Variants in KCNQ5 observed in about 807,000 individuals in gnomAD.
KCNQ5 encodes potassium voltage-gated channel subfamily KQT member 5.
A neutral mutation model predicts 98.2 loss-of-function variants in KCNQ5; 30 were observed. The ratio of observed to expected loss-of-function variants is 0.31; its 90% confidence interval spans 0.23 to 0.41. KCNQ5 has a LOEUF of 0.41. Among genes scored for constraint, KCNQ5 ranks in the 10% least tolerant of loss-of-function variants. KCNQ5 has a pLI of 1.00. For missense variants in KCNQ5, 835 were observed against 1,182.5 expected, an observed-to-expected ratio of 0.71 and a Z score of 4.31; for synonymous variants, 458 against 449.4, an observed-to-expected ratio of 1.02 and a Z score of -0.24.
intron 1 of KCNQ5, among the ~76,000 whole-genome samples, chr6:72,650,118 T>C (rs531602945): frequency 1.3e-5 from 2 of 152,272 alleles, no homozygotes; most frequent in African/African-American, 4.8e-5. Context: ...AATGCACTTA[T>C]GTGAGATATA....
At chr6:73,170,269 T>C (rs1047765065) in intron 11 of KCNQ5, among the ~76,000 whole-genome samples, 4 of 152,154 alleles carry the variant, frequency 2.6e-5, no homozygotes, top group Admixed American at 6.5e-5. Context: ...GTTCTGAAAA[T>C]GGGAAACCTA....
At chr6:72,968,672 C>A (rs1438293659) in intron 1 of KCNQ5, among the ~76,000 whole-genome samples, 1 of 152,152 alleles carries the variant, frequency 6.6e-6, no homozygotes, top group East Asian at 1.9e-4. Flanking sequence ...CAGAGATATT[C>A]TCCTAAAACT....
chr6:72,898,034 T>A (rs998705636), intron 1 of KCNQ5, among the ~76,000 whole-genome samples: 1 of 152,244 alleles, frequency 6.6e-6, no homozygotes, highest in Admixed American at 6.5e-5. Context: ...GAACTTCAAG[T>A]ACTAAAAGTT....
intron 3 of KCNQ5, among the ~76,000 whole-genome samples, chr6:73,045,865 G>T (rs1771937114): frequency 6.6e-6 from 1 of 152,100 alleles, no homozygotes; most frequent in Non-Finnish European, 1.5e-5. Flanking sequence ...GTCTCAGTGA[G>T]AAAATACCAG....
At chr6:72,684,370 C>T (rs1052422376) in intron 1 of KCNQ5, among the ~76,000 whole-genome samples, 2 of 152,154 alleles carry the variant, frequency 1.3e-5, no homozygotes, top group South Asian at 2.1e-4. Flanking sequence ...GAGCCTACAC[C>T]GACAAAGTAT....
intron 5 of KCNQ5, among the ~76,000 whole-genome samples, chr6:73,093,636 T>A (rs1330205717): frequency 6.6e-6 from 1 of 152,166 alleles, no homozygotes; most frequent in East Asian, 1.9e-4. Context: ...AAGAATTTTT[T>A]AATTTCCATC....
chr6:73,076,502 T>C (rs748361616), intron 3 of KCNQ5, among the ~76,000 whole-genome samples: 19 of 152,238 alleles, frequency 1.2e-4, no homozygotes, highest in Non-Finnish European at 2.2e-4. Context: ...TTCTTTTATC[T>C]TTTCTATGCT....
chr6:73,091,012 C>T (rs937954344), intron 5 of KCNQ5, among the ~76,000 whole-genome samples: 2 of 152,154 alleles, frequency 1.3e-5, no homozygotes, highest in African/African-American at 4.8e-5. Context: ...ACTATAAAGA[C>T]AAATGCACTT....
At chr6:73,069,834 C>A (rs573798468) in intron 3 of KCNQ5, among the ~76,000 whole-genome samples, 1 of 152,192 alleles carries the variant, frequency 6.6e-6, no homozygotes, top group African/African-American at 2.4e-5. Flanking sequence ...TTTTTTAAAT[C>A]ACAGAGGTAG....
chr6:72,936,915 T>C (rs1463159855), intron 1 of KCNQ5, among the ~76,000 whole-genome samples: 1 of 152,202 alleles, frequency 6.6e-6, no homozygotes, highest in Admixed American at 6.5e-5. Context: ...TTCTTGTTCA[T>C]GGATTTGCTT....
intron 1 of KCNQ5, among the ~76,000 whole-genome samples, chr6:72,934,090 T>A (rs1765799451): frequency 6.6e-6 from 1 of 152,022 alleles, no homozygotes. Flanking sequence ...AGATAAAAAC[T>A]GGGTGTTTAA....
At chr6:72,680,635 T>A (rs1767659213) in intron 1 of KCNQ5, among the ~76,000 whole-genome samples, 1 of 152,240 alleles carries the variant, frequency 6.6e-6, no homozygotes, top group African/African-American at 2.4e-5. Context: ...ACCATTTTTT[T>A]ACTCGTTAAA....
At chr6:73,171,968 A>C (rs1778032009) in intron 11 of KCNQ5, among the ~76,000 whole-genome samples, 1 of 152,236 alleles carries the variant, frequency 6.6e-6, no homozygotes, top group African/African-American at 2.4e-5. Context: ...GCAAGAAAGA[A>C]AATGAAATAG....
chr6:72,765,285 C>T (rs1021850910), intron 1 of KCNQ5, among the ~76,000 whole-genome samples: 1 of 151,780 alleles, frequency 6.6e-6, no homozygotes, highest in Non-Finnish European at 1.5e-5. Flanking sequence ...CAGCATGATC[C>T]CTTGAGTTTA....
At chr6:72,973,988 A>G (rs117543593) in intron 1 of KCNQ5, among the ~76,000 whole-genome samples, 3,688 of 152,326 alleles carry the variant, frequency 0.024, 59 homozygotes, top group Middle Eastern at 0.058. Flanking sequence ...AGGTACATTT[A>G]TGATGGGCCC....
At position 72,721,856 on chromosome 6, in the gene KCNQ5, T is replaced by C. The variant is rs369185964; in HGVS notation, c.398+99269T>C. 2.0e-5 allele frequency among the ~76,000 whole-genome samples: 3 copies of C among 152,180 alleles called. No homozygotes were observed. In the East Asian group the frequency reaches 5.8e-4, roughly 29 times the overall value. On this transcript the variant is annotated intron_variant, in intron 1 of 13. Coordinates refer to ENST00000370398, the MANE Select transcript of KCNQ5 (RefSeq NM_019842.4). ...ATGGCTGTCCTACCTTATGGTACAC[T>C]GAAAATATGCCCCCAAAGATGTCCA...
chr6:73,105,083 T>G (rs1210466836), intron 5 of KCNQ5, among the ~76,000 whole-genome samples, 174 bp from the exon 6 acceptor site: 1 of 152,200 alleles, frequency 6.6e-6, no homozygotes, highest in Non-Finnish European at 1.5e-5. Flanking sequence ...ATTCCTTTCC[T>G]TAAACAAAGA....
rs192296714 is a variant in KCNQ5 at position 72,874,339 on chromosome 6, T to G, written c.399-129569T>G. Among the ~76,000 whole-genome samples, 192 of 152,218 alleles carry G rather than the reference T, an allele frequency of 1.3e-3. 2 individuals are homozygous for G. The highest frequency in any genetic ancestry group is 1.9e-3 in the Non-Finnish European group (132 of 67,992). On this transcript the variant is annotated intron_variant, in intron 1 of 13. Transcript: ENST00000370398. ...AATTCATTCATCTACCTAGAAGAGATAAATATGCACTAAATTTCTTAGATC... is the reference window on the plus strand; with the variant it reads ...AATTCATTCATCTACCTAGAAGAGAGAAATATGCACTAAATTTCTTAGATC...
chr6:73,110,388 A>G (rs1439398469), intron 6 of KCNQ5, among the ~76,000 whole-genome samples: 1 of 152,204 alleles, frequency 6.6e-6, no homozygotes, highest in Non-Finnish European at 1.5e-5. Context: ...GTTTTTACAA[A>G]TGTTAGTAGA....
Sources: gnomAD v4.1 joint callset for allele counts (sites outside exome capture counted in the v4.1 genomes callset) on GRCh38, gnomAD v4.1.1 for gene constraint, MANE v1.5 for transcripts, NCBI Gene and HGNC (gene_info 2026-07-23, HGNC 2026-07-21) for gene names.